Variants in DLC1 observed in about 807,000 individuals in gnomAD.
DLC1 encodes the protein DLC1 Rho GTPase activating protein, also known as rho GTPase-activating protein 7.
In DLC1, 54 loss-of-function variants were observed where a neutral mutation model predicts 140.3. That is an observed-to-expected ratio of 0.38 (90% CI 0.31 to 0.48). The LOEUF (loss-of-function observed/expected upper bound fraction) is 0.48. DLC1 is among the 20% of genes least tolerant of loss of function. DLC1 has a pLI of 0.96. For synonymous variants in DLC1, 986 were observed against 728.1 expected, an observed-to-expected ratio of 1.35 and a Z score of -5.70; for missense variants, 2,536 against 1,907.0, an observed-to-expected ratio of 1.33 and a Z score of -6.14.
intron 5 of DLC1, among the ~76,000 whole-genome samples, chr8:13,176,628 C>A (rs1825773030): frequency 6.6e-6 from 1 of 152,106 alleles, no homozygotes; most frequent in Admixed American, 6.6e-5. Flanking sequence ...AAAAGGTAGT[C>A]GTGGTAGGTA....
chr8:13,566,278 T>C (rs1437028770), intron 1 of DLC1, among the ~76,000 whole-genome samples: 1 of 152,066 alleles, frequency 6.6e-6, no homozygotes, highest in African/African-American at 2.4e-5. Flanking sequence ...CGGGCGTGGA[T>C]ATGCTAGCCA....
rs138743726 is a variant in DLC1, at chr8:13,414,625, A to G, written c.1024-13006T>C. Among the ~76,000 whole-genome samples, 178 of 152,360 alleles carry G rather than the reference A, an allele frequency of 1.2e-3. 1 individual carries two copies. The highest frequency in any genetic ancestry group is 0.01 in the Middle Eastern group (3 of 294). ...AAACTGACATTTTCTAAGAAGTGAC[A>G]TAATGGGACTCTATATGGAAAAGAT... On this transcript the variant is annotated intron_variant, in intron 2 of 17. Coordinates refer to ENST00000276297, the MANE Select transcript of DLC1 (RefSeq NM_182643.3).
intron 5 of DLC1, among the ~76,000 whole-genome samples, chr8:13,197,112 T>A (rs746529925): frequency 6.6e-6 from 1 of 152,204 alleles, no homozygotes; most frequent in Non-Finnish European, 1.5e-5. Context: ...CTGCATATAG[T>A]TTCCTACCTG....
At chr8:13,220,213 A>C (rs541003086) in intron 5 of DLC1, among the ~76,000 whole-genome samples, 84 of 152,274 alleles carry the variant, frequency 5.5e-4, no homozygotes, top group African/African-American at 1.9e-3. Context: ...AATAACATTG[A>C]GTCATTTTGG....
At chr8:13,433,766 C>A (rs953399294) in intron 2 of DLC1, among the ~76,000 whole-genome samples, 1 of 152,132 alleles carries the variant, frequency 6.6e-6, no homozygotes, top group Non-Finnish European at 1.5e-5. Context: ...AAAATGGCAA[C>A]AATTTTTTCC....
intron 5 of DLC1, among the ~76,000 whole-genome samples, chr8:13,193,720 C>T (rs1563153975): frequency 2.0e-5 from 3 of 152,160 alleles, no homozygotes; most frequent in Non-Finnish European, 4.4e-5. Flanking sequence ...GATGATTCAA[C>T]CTCTTTGAGT....
chr8:13,295,042 G>A (rs1586085495), intron 5 of DLC1, among the ~76,000 whole-genome samples: 1 of 152,126 alleles, frequency 6.6e-6, no homozygotes, highest in South Asian at 2.1e-4. Context: ...CATTACCAAG[G>A]TGCGGGGAAG....
intron 4 of DLC1, among the ~76,000 whole-genome samples, chr8:13,345,547 CTTTTTTTTTTTT>C (rs535092622): frequency 8.9e-5 from 6 of 67,520 alleles, no homozygotes; most frequent in African/African-American, 3.7e-4. Flanking sequence ...TTCACTCACA[CTTTTTTTTTTTT>C]TTTTTTTTTT....
chr8:13,509,026 G>A (rs767385386), intron 1 of DLC1, among the ~76,000 whole-genome samples: 2 of 152,064 alleles, frequency 1.3e-5, no homozygotes, highest in South Asian at 2.1e-4. Context: ...GATATTAAAC[G>A]TGTGGCTGAC....
At chr8:13,176,673 G>A (rs962947232) in intron 5 of DLC1, among the ~76,000 whole-genome samples, 17 of 152,172 alleles carry the variant, frequency 1.1e-4, no homozygotes, top group African/African-American at 3.6e-4. Flanking sequence ...GCTCCCCAGT[G>A]ACAATGACCA....
At chr8:13,133,415 C>G in intron 5 of DLC1, 1 of 612,256 alleles carries the variant, frequency 1.6e-6, no homozygotes, top group Non-Finnish European at 2.1e-6. Flanking sequence ...GGGCTGTTCT[C>G]CGGCCCCGCC....
intron 2 of DLC1, among the ~76,000 whole-genome samples, chr8:13,477,262 A>G (rs1368924892): frequency 1.3e-5 from 2 of 152,234 alleles, no homozygotes; most frequent in African/African-American, 4.8e-5. Flanking sequence ...CAGTGAAGAT[A>G]TCTTCAAGAA....
chr8:13,457,190 G>A (rs1799430241), intron 2 of DLC1, among the ~76,000 whole-genome samples: 1 of 152,096 alleles, frequency 6.6e-6, no homozygotes, highest in Non-Finnish European at 1.5e-5. Context: ...CACAATGAGT[G>A]TTTGACAAAT....
chr8:13,480,714 G>A (rs1009039784), intron 2 of DLC1, among the ~76,000 whole-genome samples: 5 of 152,110 alleles, frequency 3.3e-5, no homozygotes, highest in Non-Finnish European at 7.4e-5. Context: ...GACCAGCCTC[G>A]CCAACAGGGT....
At position 13,086,182 on chromosome 8, in the gene DLC1, C is replaced by T. The variant is rs621554; in HGVS notation, c.4466+108G>A. 733,863 of 1,439,722 alleles carry T rather than the reference C, an allele frequency of 0.51. 189,261 individuals carry two copies. Among genetic ancestry groups the T allele is most frequent in the South Asian group, 0.63 (44,932 of 71,282 alleles). The allele number at this position is 1,439,722 out of a possible 1,614,324, so 89.2% of individuals were successfully genotyped here. On this transcript the variant is annotated intron_variant, in intron 17 of 17. Coordinates refer to ENST00000276297, the MANE Select transcript of DLC1 (RefSeq NM_182643.3). Reference sequence around the variant, plus strand: ...TTCTAAACACCATTCTTCATGAAGTCACCAAGAAAAAATGACGTGTTTGTT... The same window carrying T: ...TTCTAAACACCATTCTTCATGAAGTTACCAAGAAAAAATGACGTGTTTGTT...
rs147371241 is a variant in DLC1 at position 13,214,530 on chromosome 8, A to G, written c.1348+90739T>C. On this transcript the variant is annotated intron_variant, in intron 5 of 17. Transcript: ENST00000276297. The stretch of plus-strand genomic sequence containing the variant: ...CTGGCATATTGTCACATCTTACTGA[A>G]GAGCTGTCCCCCGGCCCCAACCCCA... 3.8e-4 allele frequency: 264 copies of G among 685,882 alleles called. No individual in the cohort carries two copies. The East Asian group carries it at 6.4e-3, about 17-fold the overall frequency. 42.5% of individuals were successfully genotyped at this position (685,882 alleles called of 1,614,324 possible). A position where few individuals can be genotyped will look rare whatever the true frequency, so the allele number is the denominator to read the frequency against.
intron 5 of DLC1, among the ~76,000 whole-genome samples, chr8:13,205,028 C>G (rs1827584913): frequency 6.6e-6 from 1 of 151,996 alleles, no homozygotes; most frequent in Non-Finnish European, 1.5e-5. Flanking sequence ...TGCAACATGG[C>G]ATTTTGCAAT....
At chr8:13,272,224 G>C (rs750783384) in intron 5 of DLC1, among the ~76,000 whole-genome samples, 9 of 152,144 alleles carry the variant, frequency 5.9e-5, no homozygotes, top group Non-Finnish European at 8.8e-5. Context: ...AAAGTGGGTG[G>C]ATCATTTGAA....
chr8:13,479,539 G>A (rs970157302), intron 2 of DLC1, among the ~76,000 whole-genome samples: 2 of 152,134 alleles, frequency 1.3e-5, no homozygotes, highest in African/African-American at 4.8e-5. Context: ...TTCTCAGATT[G>A]AAAGATTTTA....
Sources: allele counts gnomAD v4.1 joint callset (sites outside exome capture counted in the v4.1 genomes callset), GRCh38; gene constraint gnomAD v4.1.1; transcripts MANE v1.5; gene names NCBI Gene and HGNC (gene_info 2026-07-23, HGNC 2026-07-21).